DGKQ: variants seen among roughly 807,000 people sequenced by gnomAD.
DGKQ encodes the protein diacylglycerol kinase theta, also known as DAG kinase theta.
Under a neutral mutation model 104.2 loss-of-function variants are expected in DGKQ, and 97 were observed. The observed-to-expected ratio is 0.93, with a 90% CI of 0.79 to 1.10. The LOEUF is 1.10. DGKQ is among the 50% of genes least tolerant of loss of function. The pLI, the probability that DGKQ is intolerant of heterozygous loss-of-function variation, is 0.00. For synonymous variants in DGKQ, 736 were observed against 595.2 expected (o/e 1.24, Z -3.44); for missense variants, 1,465 against 1,352.1 (o/e 1.08, Z -1.31).
In DGKQ at chr4:965,948, T is replaced by C. The variant is rs768515083; in HGVS notation, c.1559A>G (p.His520Arg). The C allele has an allele frequency of 6.2e-6, 10 of 1,604,412 alleles. No homozygotes were observed. Among genetic ancestry groups the C allele is most frequent in the East Asian group, 2.2e-5 (1 of 44,630 alleles). ...CACACCTTTGGTAGCCCCGGCCTCA[T>C]GCAGCAGGCTGCTGTACTCCTCGGG... ...LSPEEYSSLL[H>R]EAGATKATVV... The change falls in exon 13 of 23, where the codon CAT (histidine) becomes CGT (arginine). Residue 520 changes from histidine (H) to arginine (R), a missense_variant. His to Arg is a conservative substitution (Grantham distance 29). Coordinates refer to ENST00000273814, the MANE Select transcript of DGKQ (RefSeq NM_001347.4).
intron 20 of DGKQ, 25 bp from the exon 21 acceptor site, chr4:961,603 G>C (rs907679281): frequency 1.2e-6 from 2 of 1,609,924 alleles, no homozygotes; most frequent in East Asian, 4.5e-5. Flanking sequence ...AGCGGGCACA[G>C]AGGTGTAGGT....
intron 22 of DGKQ, 30 bp from the exon 23 acceptor site, chr4:960,751 G>T (rs1477670578): frequency 6.2e-7 from 1 of 1,606,846 alleles, no homozygotes; most frequent in Non-Finnish European, 8.5e-7. Flanking sequence ...AGAGGACCAG[G>T]GTGACATGGC....
chr4:969,865 C>G (rs1181805215), intron 2 of DGKQ, among the ~76,000 whole-genome samples: 2 of 152,228 alleles, frequency 1.3e-5, no homozygotes, highest in East Asian at 3.8e-4. Context: ...CCTGCCTCGG[C>G]CTCCCAAAGT....
At chr4:967,478 G>A in intron 8 of DGKQ, 71 bp downstream of exon 8, 1 of 1,527,914 alleles carries the variant, frequency 6.5e-7, no homozygotes. Flanking sequence ...GGGGAGCCAG[G>A]TCAGGTGCGC....
At position 968,335 on chromosome 4, in the gene DGKQ, A is replaced by C; in HGVS notation, c.610T>G (p.Cys204Gly). ...GARCEVCRKT[C>G]GSSDVLAGVR... ...CCGGCCAGCACGTCAGAGGAGCCGCACGTCTTCCTGCAGACCTCGCAGCGC... is the reference window on the plus strand; with the variant it reads ...CCGGCCAGCACGTCAGAGGAGCCGCCCGTCTTCCTGCAGACCTCGCAGCGC... The change falls in exon 5 of 23, where the codon TGC becomes GGC. Residue 204 changes from cysteine (C) to glycine (G), a missense_variant. Cys to Gly is a radical substitution (Grantham distance 159). Coordinates refer to ENST00000273814, the MANE Select transcript of DGKQ (RefSeq NM_001347.4). 1 of 1,268,576 alleles carries C rather than the reference A, an allele frequency of 7.9e-7. No individual in the cohort carries two copies. The highest frequency in any genetic ancestry group is 1.0e-6 in the Non-Finnish European group (1 of 986,786). 78.6% of individuals were successfully genotyped at this position (1,268,576 alleles called of 1,614,324 possible).
chr4:968,447 CCCCCAGGGCT>C, intron 4 of DGKQ, 22 bp downstream of exon 4: 1 of 1,592,456 alleles, frequency 6.3e-7, no homozygotes, highest in Non-Finnish European at 8.5e-7. Flanking sequence ...CCCGCCCCAC[CCCCCAGGGCT>C]CCCTGGGGCC....
Position 965,940 on chromosome 4 carries a change from C to T in DGKQ, c.1567G>A (p.Gly523Arg), listed in dbSNP as rs746154740. 25 of 1,602,812 alleles carry T rather than the reference C, an allele frequency of 1.6e-5. No homozygotes were observed. The highest frequency in any genetic ancestry group is 1.8e-5 in the Non-Finnish European group (21 of 1,175,110). The change falls in exon 13 of 23, where the codon GGG (glycine) becomes AGG (arginine). Residue 523 changes from glycine to arginine, a missense_variant. Physicochemically the swap from Gly to Arg is moderately radical, Grantham distance 125. Transcript: ENST00000273814. Reference sequence around the variant, plus strand: ...ACAGTGGTCACACCTTTGGTAGCCCCGGCCTCATGCAGCAGGCTGCTGTAC... The same window carrying T: ...ACAGTGGTCACACCTTTGGTAGCCCTGGCCTCATGCAGCAGGCTGCTGTAC... Reference protein sequence around the residue: ...EEYSSLLHEAGATKATVVSVS... With the variant: ...EEYSSLLHEARATKATVVSVS...
At position 959,507 on chromosome 4, in the gene DGKQ, ACC is replaced by A. The variant is rs1279826375; in HGVS notation, c.*1111_*1112del. 6.6e-6 allele frequency: 1 copy of A among 152,166 alleles called. No homozygotes were observed. The highest frequency in any genetic ancestry group is 1.9e-4 in the East Asian group (1 of 5,184). The allele number at this position is 152,166 out of a possible 1,614,324, so 9.4% of individuals were successfully genotyped here. ...GGCAGCTTTGTCTTTGGCTGGGTGC[ACC>A]CCAGCCTGGCCCAGATGCAGGACCC... On this transcript the variant is annotated 3_prime_UTR_variant, in exon 23 of 23. Coordinates refer to ENST00000273814, the MANE Select transcript of DGKQ (RefSeq NM_001347.4).
chr4:973,366 C>G lies in DGKQ; in HGVS notation c.117G>C (p.Pro39=). 5 of 1,168,040 alleles carry G rather than the reference C, an allele frequency of 4.3e-6. No homozygotes were observed. Among genetic ancestry groups the G allele is most frequent in the East Asian group, 8.7e-5 (2 of 22,956 alleles). The allele number at this position is 1,168,040 out of a possible 1,614,324, so 72.4% of individuals were successfully genotyped here. ...LGSGGRARPG[P]GPGPGPERAG... Reference sequence around the variant, plus strand: ...CCCGCTCGGGTCCCGGCCCCGGCCCCGGCCCCGGGCGCGCGCGGCCTCCTG... The same window carrying G: ...CCCGCTCGGGTCCCGGCCCCGGCCCGGGCCCCGGGCGCGCGCGGCCTCCTG... The change falls in exon 1 of 23, where the codon CCG becomes CCC. Residue 39 remains proline (P), a synonymous_variant. Transcript: ENST00000273814.
At position 967,365 on chromosome 4, in the gene DGKQ, C is replaced by T. The variant is rs774654428; in HGVS notation, c.988-4G>A. Reference sequence around the variant, plus strand: ...GGTGGGCCCGCAGTGCGGCCTCCTGCAGGGCACCAGGTTAGAGGGGCCAAG... The same window carrying T: ...GGTGGGCCCGCAGTGCGGCCTCCTGTAGGGCACCAGGTTAGAGGGGCCAAG... On this transcript the variant is annotated splice_polypyrimidine_tract_variant and splice_region_variant and intron_variant, in intron 8 of 22. Coordinates refer to ENST00000273814, the MANE Select transcript of DGKQ (RefSeq NM_001347.4). 2 of 1,527,088 alleles carry T rather than the reference C, an allele frequency of 1.3e-6. No homozygotes were observed. The highest frequency in any genetic ancestry group is 1.7e-6 in the Non-Finnish European group (2 of 1,143,250). The allele number at this position is 1,527,088 out of a possible 1,614,324, so 94.6% of individuals were successfully genotyped here. A position where few individuals can be genotyped will look rare whatever the true frequency, so the allele number is the denominator to read the frequency against.
Position 962,068 on chromosome 4 carries a change from A to G in DGKQ, c.2229T>C (p.Ser743=), listed in dbSNP as rs199709114. 1.0e-4 allele frequency: 166 copies of G among 1,611,726 alleles called. No homozygotes were observed. The highest frequency in any genetic ancestry group is 1.3e-4 in the Admixed American group (8 of 59,978). ...DAEPPKIVQM[S]NYCGIGIDAE... is the part of the protein sequence containing the mutation. ...CGTCGATGCCAATGCCACAGTAGTT[A>G]CTCATCTGCACGATCTGGGGACAGG... is the stretch of plus-strand genomic sequence containing the variant. Residue 743 remains serine, a synonymous_variant, in exon 19 of 23, where the codon AGT becomes AGC. Transcript: ENST00000273814.
rs62294487 is a variant in DGKQ, at chr4:968,265, G to A, written c.663+17C>T. On this transcript the variant is annotated intron_variant, in intron 5 of 22. Coordinates refer to ENST00000273814, the MANE Select transcript of DGKQ (RefSeq NM_001347.4). ...TCTCCTGCCCCACCCCCACCCCCTC[G>A]ACTTCCCAGCGCCCACCTGGACCCC... 6 of 376,444 alleles carry A rather than the reference G, an allele frequency of 1.6e-5. No individual in the cohort carries two copies. Among genetic ancestry groups the A allele is most frequent in the East Asian group, 2.0e-4 (2 of 10,054 alleles). The allele number at this position is 376,444 out of a possible 1,614,324, so 23.3% of individuals were successfully genotyped here.
In DGKQ at chr4:971,637, C is replaced by G. The variant is rs1364261482; in HGVS notation, c.272-565G>C. Among the ~76,000 whole-genome samples, 4 of 152,102 alleles carry G rather than the reference C, an allele frequency of 2.6e-5. No homozygotes were observed. Among genetic ancestry groups the G allele is most frequent in the Admixed American group, 2.6e-4 (4 of 15,282 alleles). On this transcript the variant is annotated intron_variant, in intron 1 of 22. Coordinates refer to ENST00000273814, the MANE Select transcript of DGKQ (RefSeq NM_001347.4). The surrounding 1 kb of genome is among the most constrained non-coding windows in gnomAD (Gnocchi z 4.0). ...GAGCTCTGGCTGTGTGCATAGGACCCAGGGAGCACCTGAGCCGGCGGGGTG... is the reference window on the plus strand; with the variant it reads ...GAGCTCTGGCTGTGTGCATAGGACCGAGGGAGCACCTGAGCCGGCGGGGTG...
Position 965,482 on chromosome 4 carries a change from G to A in DGKQ, c.1618+9C>T. The A allele has an allele frequency of 1.2e-6, 2 of 1,610,358 alleles. No homozygotes were observed. Among genetic ancestry groups the A allele is most frequent in the East Asian group, 2.2e-5 (1 of 44,816 alleles). On this transcript the variant is annotated intron_variant, in intron 14 of 22. Transcript: ENST00000273814. ...GCCTCATGTGACCACGTCCCTCAGG[G>A]CAGCTCACCTTGGGAGGAGTAGATG...
chr4:960,235 C>G lies in DGKQ; in HGVS notation c.*385G>C. ...CGAGGGGCACAAAGTGAGATCAGACCCACCTGGACGGCCTGCATCCAGCAC... is the reference window on the plus strand; with the variant it reads ...CGAGGGGCACAAAGTGAGATCAGACGCACCTGGACGGCCTGCATCCAGCAC... On this transcript the variant is annotated 3_prime_UTR_variant, in exon 23 of 23. Coordinates refer to ENST00000273814, the MANE Select transcript of DGKQ (RefSeq NM_001347.4). 2 of 222,928 alleles carry G rather than the reference C, an allele frequency of 9.0e-6. No homozygotes were observed. Among genetic ancestry groups the G allele is most frequent in the Non-Finnish European group, 1.8e-5 (2 of 111,112 alleles). The allele number at this position is 222,928 out of a possible 1,614,324, so 13.8% of individuals were successfully genotyped here. A position where few individuals can be genotyped will look rare whatever the true frequency, so the allele number is the denominator to read the frequency against.
At position 968,378 on chromosome 4, in the gene DGKQ, C is replaced by T; in HGVS notation, c.567G>A (p.Gly189=). The change falls in exon 5 of 23, where the codon GGG becomes GGA. Residue 189 remains glycine, a synonymous_variant. Coordinates refer to ENST00000273814, the MANE Select transcript of DGKQ (RefSeq NM_001347.4). ...HDTHHHHWRE[G]NLPSGARCEV... ...CGCAGCGCGCTCCCGAGGGCAGGTT[C>T]CCCTCCCGCCAGTGGTGGTGATGGG... The T allele has an allele frequency of 6.4e-7, 1 of 1,560,104 alleles. No homozygotes were observed. Among genetic ancestry groups the T allele is most frequent in the Non-Finnish European group, 8.7e-7 (1 of 1,155,142 alleles).
chr4:966,046 G>A lies in DGKQ; in HGVS notation c.1461C>T (p.Phe487=). The A allele has an allele frequency of 6.2e-7, 1 of 1,603,750 alleles. No homozygotes were observed. Among genetic ancestry groups the A allele is most frequent in the Non-Finnish European group, 8.5e-7 (1 of 1,176,272 alleles). The part of the protein sequence containing the change: ...MSVRQVSQTR[F]YVAESRDVAP... ...CTACATCCCTGCTCTCTGCCACGTA[G>A]AACCGCGTCTGGCTCACCTGCCGCA... Residue 487 remains phenylalanine (F), a synonymous_variant, in exon 13 of 23, where the codon TTC becomes TTT. Transcript: ENST00000273814.
Position 968,422 on chromosome 4 carries a change from C to A in DGKQ, c.538-15G>T. The A allele has an allele frequency of 6.3e-7, 1 of 1,585,242 alleles. No individual in the cohort carries two copies. Among genetic ancestry groups the A allele is most frequent in the South Asian group, 1.1e-5 (1 of 87,672 alleles). ...TGATGGGTGTCCTGCAGAGCGGGGG[C>A]AGTCAGCAGCTGGGCCCGCCCCACC... On this transcript the variant is annotated splice_polypyrimidine_tract_variant and intron_variant, in intron 4 of 22. Transcript: ENST00000273814.
At position 966,806 on chromosome 4, in the gene DGKQ, T is replaced by C; in HGVS notation, c.1312-4A>G. ...GGAAGCTCTCGGGACTCTCGGCCTG[T>C]TGGGGTAGAGCTTGGCATCGGGTCT... On this transcript the variant is annotated splice_polypyrimidine_tract_variant and splice_region_variant and intron_variant, in intron 10 of 22. Coordinates refer to ENST00000273814, the MANE Select transcript of DGKQ (RefSeq NM_001347.4). 1 of 1,608,730 alleles carries C rather than the reference T, an allele frequency of 6.2e-7. No homozygotes were observed. Among genetic ancestry groups the C allele is most frequent in the Non-Finnish European group, 8.5e-7 (1 of 1,178,240 alleles).
Sources: gnomAD v4.1 joint callset for allele counts (sites outside exome capture counted in the v4.1 genomes callset) on GRCh38, gnomAD v4.1.1 for gene constraint, Gnocchi (gnomAD v3.1) non-coding constraint, MANE v1.5 for transcripts, NCBI Gene and HGNC (gene_info 2026-07-23, HGNC 2026-07-21) for gene names.